Variants in PAN3 observed in about 807,000 individuals in gnomAD.
PAN3 encodes the protein poly(A) specific ribonuclease subunit PAN3, also known as PAN2-PAN3 deadenylation complex subunit PAN3.
Under a neutral mutation model 96.2 loss-of-function variants are expected in PAN3, and 19 were observed. The observed-to-expected ratio is 0.20, with a 90% CI of 0.14 to 0.29. PAN3 has a LOEUF of 0.29. Ranked by LOEUF, PAN3 falls within the 10% of genes least tolerant of loss-of-function variation. The pLI, the probability that PAN3 is intolerant of heterozygous loss-of-function variation, is 1.00. For missense variants in PAN3, 882 were observed against 1,108.1 expected, an observed-to-expected ratio of 0.80 and a Z score of 2.90; for synonymous variants, 433 against 406.6, an observed-to-expected ratio of 1.06 and a Z score of -0.78.
chr13:28,220,785 A>G (rs1485265136), intron 6 of PAN3, among the ~76,000 whole-genome samples: 3 of 152,190 alleles, frequency 2.0e-5, no homozygotes, highest in Admixed American at 2.0e-4. Flanking sequence ...AAAATAATTT[A>G]ATCATTCTAC....
chr13:28,150,349 G>T (rs1386025588), intron 1 of PAN3, among the ~76,000 whole-genome samples: 1 of 152,176 alleles, frequency 6.6e-6, no homozygotes, highest in Non-Finnish European at 1.5e-5. Flanking sequence ...ATGTGGGCCA[G>T]GCACTGTGGC....
chr13:28,200,029 A>G (rs1235663159), intron 5 of PAN3, among the ~76,000 whole-genome samples: 6 of 152,220 alleles, frequency 3.9e-5, no homozygotes, highest in African/African-American at 1.2e-4. Context: ...TTACTGCTAG[A>G]TGAAGAAACA....
chr13:28,140,772 T>C lies in PAN3; in HGVS notation c.430+1685T>C, dbSNP rs147982936. Reference sequence around the variant, plus strand: ...TCATTTGTTGTGATGGGCTTGACTTTAATGAAGATATATTTGCTAAGGCTG... The same window carrying C: ...TCATTTGTTGTGATGGGCTTGACTTCAATGAAGATATATTTGCTAAGGCTG... On this transcript the variant is annotated intron_variant, in intron 1 of 18. Coordinates refer to ENST00000380958, the MANE Select transcript of PAN3 (RefSeq NM_175854.8). Among the ~76,000 whole-genome samples, 459 of 152,318 alleles carry C rather than the reference T, an allele frequency of 3.0e-3. 3 individuals are homozygous for C. The highest frequency in any genetic ancestry group is 0.011 in the African/African-American group (443 of 41,554).
chr13:28,230,436 A>G (rs1882421584), intron 6 of PAN3, among the ~76,000 whole-genome samples: 1 of 152,076 alleles, frequency 6.6e-6, no homozygotes, highest in Admixed American at 6.5e-5. Flanking sequence ...AAACAACCCT[A>G]TGGTTCTGGA....
chr13:28,237,222 T>C (rs1224926993), intron 6 of PAN3, among the ~76,000 whole-genome samples: 1 of 152,024 alleles, frequency 6.6e-6, no homozygotes, highest in East Asian at 1.9e-4. Flanking sequence ...GTTAAGTACC[T>C]GATGCTCCTC....
chr13:28,170,932 G>A (rs1338133500), intron 1 of PAN3, among the ~76,000 whole-genome samples: 1 of 152,136 alleles, frequency 6.6e-6, no homozygotes, highest in Non-Finnish European at 1.5e-5. Context: ...GAGTAGCTGG[G>A]ACTACAGGCA....
intron 12 of PAN3, among the ~76,000 whole-genome samples, chr13:28,269,985 A>C (rs1027938699): frequency 2.6e-5 from 4 of 152,104 alleles, no homozygotes; most frequent in African/African-American, 9.7e-5. Flanking sequence ...CTCAGCACTT[A>C]GGGAGGCTGA....
intron 13 of PAN3, among the ~76,000 whole-genome samples, 159 bp downstream of exon 13, chr13:28,271,025 A>T (rs945028623): frequency 6.6e-6 from 1 of 152,220 alleles, no homozygotes; most frequent in Non-Finnish European, 1.5e-5. Context: ...AAGAAAAAAA[A>T]AAAGTTGAAC....
At position 28,294,274 on chromosome 13, in the gene PAN3, A is replaced by G. The variant is rs1002618374; in HGVS notation, c.*1752A>G. The G allele has an allele frequency of 6.5e-6, 1 of 152,674 alleles. No individual in the cohort carries two copies. Among genetic ancestry groups the G allele is most frequent in the Non-Finnish European group, 1.5e-5 (1 of 68,044 alleles). 9.5% of individuals were successfully genotyped at this position (152,674 alleles called of 1,614,324 possible). A position where few individuals can be genotyped will look rare whatever the true frequency, so the allele number is the denominator to read the frequency against. On this transcript the variant is annotated 3_prime_UTR_variant, in exon 19 of 19. Transcript: ENST00000380958. ...AAGGATAATTCACATTTGCCACCAT[A>G]ATGTTCTTTTTTATGTAAAAAGAAG... is the stretch of plus-strand genomic sequence containing the variant.
chr13:28,226,147 T>G (rs1319277986), intron 6 of PAN3, among the ~76,000 whole-genome samples: 2 of 152,224 alleles, frequency 1.3e-5, no homozygotes, highest in Non-Finnish European at 2.9e-5. Flanking sequence ...GTTTTAGGGC[T>G]CTACGTTAAG....
At chr13:28,260,626 C>G (rs934459970) in intron 8 of PAN3, 75 bp downstream of exon 8, 16 of 1,161,570 alleles carry the variant, frequency 1.4e-5, no homozygotes, top group Non-Finnish European at 2.0e-5. Context: ...GAACAGAGCT[C>G]TTTTCAAATC....
chr13:28,275,770 G>C (rs1286455448), intron 14 of PAN3, among the ~76,000 whole-genome samples: 1 of 152,086 alleles, frequency 6.6e-6, no homozygotes, highest in African/African-American at 2.4e-5. Context: ...CTGCCATTCT[G>C]GGCTCCTGAC....
intron 1 of PAN3, among the ~76,000 whole-genome samples, chr13:28,163,917 C>T (rs2138043239): frequency 6.6e-6 from 1 of 152,194 alleles, no homozygotes; most frequent in Admixed American, 6.5e-5. Flanking sequence ...TCCCCCTTTT[C>T]CTCTACTAAT....
intron 1 of PAN3, among the ~76,000 whole-genome samples, chr13:28,149,416 T>C (rs1288231942): frequency 1.3e-5 from 2 of 152,186 alleles, no homozygotes; most frequent in Non-Finnish European, 2.9e-5. Flanking sequence ...ACTTGAAATA[T>C]TCATTCATAT....
At chr13:28,161,152 A>C (rs1415485239) in intron 1 of PAN3, among the ~76,000 whole-genome samples, 1 of 152,084 alleles carries the variant, frequency 6.6e-6, no homozygotes, top group Non-Finnish European at 1.5e-5. Flanking sequence ...TTTTTAGTTT[A>C]ATCTATATTT....
chr13:28,178,577 A>G (rs867073843), intron 4 of PAN3, among the ~76,000 whole-genome samples: 1 of 152,194 alleles, frequency 6.6e-6, no homozygotes, highest in Middle Eastern at 3.4e-3. Context: ...TTTGGTTAGG[A>G]TCAGCAACAG....
intron 5 of PAN3, among the ~76,000 whole-genome samples, chr13:28,212,419 CA>C (rs1478076606): frequency 3.9e-5 from 6 of 152,136 alleles, no homozygotes; most frequent in Admixed American, 3.3e-4. Context: ...AAATATCCAG[CA>C]CCCAGCAGAT....
At chr13:28,213,857 G>T (rs1417663566) in intron 5 of PAN3, among the ~76,000 whole-genome samples, 1 of 152,158 alleles carries the variant, frequency 6.6e-6, no homozygotes, top group Non-Finnish European at 1.5e-5. Flanking sequence ...TTTGGGAAAT[G>T]CTAATTAAAA....
At chr13:28,172,210 C>CT (rs904918920) in intron 1 of PAN3, among the ~76,000 whole-genome samples, 17 of 152,302 alleles carry the variant, frequency 1.1e-4, no homozygotes, top group Admixed American at 7.8e-4. Flanking sequence ...AATCCCAACA[C>CT]TTTGGGAGGC....
Sources: allele counts gnomAD v4.1 joint callset (sites outside exome capture counted in the v4.1 genomes callset), GRCh38; gene constraint gnomAD v4.1.1; transcripts MANE v1.5; gene names NCBI Gene and HGNC (gene_info 2026-07-23, HGNC 2026-07-21).